The following PDGFRL variants were observed in gnomAD, a reference collection of about 807,000 sequenced individuals.
PDGFRL encodes the protein platelet-derived growth factor receptor-like protein.
Under a neutral mutation model 37.2 loss-of-function variants are expected in PDGFRL, and 46 were observed. The observed-to-expected ratio is 1.24, with a 90% CI of 0.98 to 1.58. The LOEUF is 1.58. PDGFRL is among the 40% of genes most tolerant of loss of function. The pLI, the probability that PDGFRL is intolerant of heterozygous loss-of-function variation, is 0.00. For missense variants in PDGFRL, 692 were observed against 467.6 expected (o/e 1.48, Z -4.43); for synonymous variants, 251 against 184.3 (o/e 1.36, Z -2.93).
intron 3 of PDGFRL, among the ~76,000 whole-genome samples, chr8:17,621,999 C>G (rs1804645783): frequency 6.6e-6 from 1 of 152,088 alleles, no homozygotes; most frequent in Non-Finnish European, 1.5e-5. Context: ...ATACTATGAG[C>G]TGAGATTTCG....
chr8:17,577,955 A>T (rs1011779984), intron 1 of PDGFRL, among the ~76,000 whole-genome samples: 1 of 151,952 alleles, frequency 6.6e-6, no homozygotes, highest in Admixed American at 6.6e-5. Flanking sequence ...GGTACAGCTT[A>T]TGGGACCATG....
chr8:17,624,858 T>G lies in PDGFRL; in HGVS notation c.506-3629T>G, dbSNP rs145903984. Reference sequence around the variant, plus strand: ...AGGAGGCAGCGAGTCAAAGTTGCAGTGAGCCGAGATGGCACCACTGCATTC... The same window carrying G: ...AGGAGGCAGCGAGTCAAAGTTGCAGGGAGCCGAGATGGCACCACTGCATTC... On this transcript the variant is annotated intron_variant, in intron 3 of 5. Transcript: ENST00000251630. Among the ~76,000 whole-genome samples, 1,314 of 152,314 alleles carry G rather than the reference T, an allele frequency of 8.6e-3. 27 individuals carry two copies. Among genetic ancestry groups the G allele is most frequent in the African/African-American group, 0.03 (1,256 of 41,574 alleles).
chr8:17,626,140 T>A (rs1804729254), intron 3 of PDGFRL, among the ~76,000 whole-genome samples: 1 of 152,244 alleles, frequency 6.6e-6, no homozygotes, highest in African/African-American at 2.4e-5. Context: ...CATAAAATCC[T>A]AAAGTGTTGT....
intron 2 of PDGFRL, among the ~76,000 whole-genome samples, chr8:17,597,853 G>A (rs1248602468): frequency 6.6e-6 from 1 of 152,102 alleles, no homozygotes; most frequent in Non-Finnish European, 1.5e-5. Context: ...TTGGGAATTT[G>A]TTTAAAGCAA....
At chr8:17,638,788 A>ATATATAT (rs1805033295) in intron 5 of PDGFRL, among the ~76,000 whole-genome samples, 7 of 71,582 alleles carry the variant, frequency 9.8e-5, no homozygotes, top group Non-Finnish European at 1.1e-4. Flanking sequence ...TATATATATA[A>ATATATAT]TTGTGATATT....
At chr8:17,630,138 C>G (rs1053146044) in intron 4 of PDGFRL, among the ~76,000 whole-genome samples, 2 of 152,196 alleles carry the variant, frequency 1.3e-5, no homozygotes, top group African/African-American at 4.8e-5. Flanking sequence ...TCTACCCTGC[C>G]TGGTGTCCTC....
intron 2 of PDGFRL, among the ~76,000 whole-genome samples, chr8:17,611,767 A>G (rs1028988001): frequency 1.3e-5 from 2 of 152,230 alleles, no homozygotes; most frequent in Non-Finnish European, 2.9e-5. Flanking sequence ...AATGATTTTC[A>G]GGAAAGTATA....
Position 17,621,189 on chromosome 8 carries a change from C to T in PDGFRL, c.492C>T (p.Tyr164=). 6.2e-7 allele frequency: 1 copy of T among 1,607,800 alleles called. No individual in the cohort carries two copies. The change falls in exon 3 of 6, where the codon TAC becomes TAT. Residue 164 remains tyrosine (Y), a synonymous_variant. Transcript: ENST00000251630. ...RKDEAKTGST[Y]IFFTEKGELF... Reference sequence around the variant, plus strand: ...ACGAGGCCAAAACGGGCTCCACCTACATCTTTTTTACAGGTAAAATACTTG... The same window carrying T: ...ACGAGGCCAAAACGGGCTCCACCTATATCTTTTTTACAGGTAAAATACTTG...
chr8:17,640,702 G>A (rs1393627372), intron 5 of PDGFRL, among the ~76,000 whole-genome samples: 2 of 152,186 alleles, frequency 1.3e-5, no homozygotes, highest in South Asian at 4.1e-4. Flanking sequence ...TGAACTCTGT[G>A]AGGGTCCTTA....
At chr8:17,603,543 A>C (rs1804209709) in intron 2 of PDGFRL, among the ~76,000 whole-genome samples, 1 of 152,184 alleles carries the variant, frequency 6.6e-6, no homozygotes, top group Non-Finnish European at 1.5e-5. Flanking sequence ...TGAGATCGGA[A>C]ATAGCAAAGG....
chr8:17,592,200 C>T (rs1037905632), intron 2 of PDGFRL, among the ~76,000 whole-genome samples: 3 of 152,144 alleles, frequency 2.0e-5, no homozygotes, highest in Non-Finnish European at 2.9e-5. Flanking sequence ...CTGTTCTTAC[C>T]ATGAAAAGTA....
rs1272397186 is a variant in PDGFRL, at chr8:17,577,305, A to G, written c.53A>G (p.Asp18Gly). 6.2e-7 allele frequency: 1 copy of G among 1,612,056 alleles called. No individual in the cohort carries two copies. The highest frequency in any genetic ancestry group is 8.5e-7 in the Non-Finnish European group (1 of 1,179,226). The change falls in exon 1 of 6, where the codon GAT (aspartate) becomes GGT (glycine). Residue 18 changes from aspartate (D) to glycine (G), a missense_variant and splice_region_variant. Asp to Gly is a moderately conservative substitution (Grantham distance 94). Transcript: ENST00000251630. ...GLLLVHEALE[D>G]VTGQHLPKNK... Reference sequence around the variant, plus strand: ...CTGCTGGTGCACGAAGCGCTGGAGGATGGTGAGTGACTCTGGGCGCGGGGC... The same window carrying G: ...CTGCTGGTGCACGAAGCGCTGGAGGGTGGTGAGTGACTCTGGGCGCGGGGC...
At chr8:17,633,468 C>T (rs905141555) in intron 4 of PDGFRL, among the ~76,000 whole-genome samples, 1 of 152,162 alleles carries the variant, frequency 6.6e-6, no homozygotes, top group African/African-American at 2.4e-5. Flanking sequence ...GCAGAACTTG[C>T]AGTGAGCCGA....
At chr8:17,641,900 C>CGCCCCCCCCA (rs1423751750) in intron 5 of PDGFRL, among the ~76,000 whole-genome samples, 1 of 135,142 alleles carries the variant, frequency 7.4e-6, no homozygotes, top group African/African-American at 3.0e-5. Flanking sequence ...TAGAGGTCCC[C>CGCCCCCCCCA]GCCACATTGC....
At chr8:17,591,011 T>C (rs1200833110) in intron 2 of PDGFRL, among the ~76,000 whole-genome samples, 1 of 151,882 alleles carries the variant, frequency 6.6e-6, no homozygotes, top group Non-Finnish European at 1.5e-5. Context: ...GCCTCCCAAG[T>C]AGCTGGGACT....
chr8:17,617,788 C>T (rs147092916), intron 2 of PDGFRL, among the ~76,000 whole-genome samples: 10 of 152,274 alleles, frequency 6.6e-5, no homozygotes, highest in South Asian at 4.1e-4. Context: ...TAATTTCTTA[C>T]GTGCCTAATT....
chr8:17,581,574 A>T (rs1467723713), intron 1 of PDGFRL, among the ~76,000 whole-genome samples: 1 of 152,062 alleles, frequency 6.6e-6, no homozygotes, highest in Non-Finnish European at 1.5e-5. Context: ...TTGGGGGTAG[A>T]TCCTTCATGA....
Position 17,628,613 on chromosome 8 carries a change from T to G in PDGFRL, c.632T>G (p.Phe211Cys). 6.2e-7 allele frequency: 1 copy of G among 1,614,184 alleles called. No homozygotes were observed. The highest frequency in any genetic ancestry group is 8.5e-7 in the Non-Finnish European group (1 of 1,180,028). ...LSAKVTLHRE[F>C]PAKEIPANGT... ...GCCAAAGTCACGCTCCACAGGGAAT[T>G]CCCAGCCAAGGAGATCCCAGCCAAT... Residue 211 changes from phenylalanine to cysteine, a missense_variant, in exon 4 of 6, where the codon TTC becomes TGC. Coordinates refer to ENST00000251630, the MANE Select transcript of PDGFRL (RefSeq NM_001372073.1).
chr8:17,615,312 G>C (rs2129737409), intron 2 of PDGFRL, among the ~76,000 whole-genome samples: 1 of 110,332 alleles, frequency 9.1e-6, no homozygotes, highest in South Asian at 2.8e-4. Context: ...TTTGTGATTT[G>C]GGAGTGTGTG....
Sources: allele counts gnomAD v4.1 joint callset (sites outside exome capture counted in the v4.1 genomes callset), GRCh38; gene constraint gnomAD v4.1.1; transcripts MANE v1.5; gene names NCBI Gene and HGNC (gene_info 2026-07-23, HGNC 2026-07-21).